The following TOPBP1 variants were observed in gnomAD, a reference collection of about 807,000 sequenced individuals.
TOPBP1 encodes DNA topoisomerase II binding protein 1.
TOPBP1 carries 28 observed loss-of-function variants against 167.7 expected under a neutral mutation model. The observed-to-expected ratio is 0.17, with a 90% CI of 0.12 to 0.23. TOPBP1 has a LOEUF of 0.23. Ranked by LOEUF, TOPBP1 falls within the 10% of genes least tolerant of loss-of-function variation. The pLI is 1.00. For synonymous variants in TOPBP1, 598 were observed against 611.4 expected, an observed-to-expected ratio of 0.98 and a Z score of 0.32; for missense variants, 1,554 against 1,809.6, an observed-to-expected ratio of 0.86 and a Z score of 2.56.
chr3:133,604,392 C>G (rs1472503217), intron 27 of TOPBP1, among the ~76,000 whole-genome samples: 9 of 151,772 alleles, frequency 5.9e-5, no homozygotes, highest in African/African-American at 2.2e-4. Flanking sequence ...CCACCTCAGC[C>G]TCCTAAACTG....
chr3:133,656,319 A>G (rs191998672), intron 5 of TOPBP1, among the ~76,000 whole-genome samples: 3 of 152,274 alleles, frequency 2.0e-5, no homozygotes, highest in East Asian at 1.9e-4. Context: ...CAAAATGACT[A>G]ATTTATTATC....
At chr3:133,635,000 G>A (rs1935618492) in intron 14 of TOPBP1, among the ~76,000 whole-genome samples, 1 of 152,038 alleles carries the variant, frequency 6.6e-6, no homozygotes, top group Non-Finnish European at 1.5e-5. Context: ...GAGAAAAGGG[G>A]GAAAGAGAAT....
intron 1 of TOPBP1, 70 bp from the exon 2 acceptor site, chr3:133,661,204 C>A (rs1252531491): frequency 1.7e-6 from 2 of 1,205,132 alleles, no homozygotes; most frequent in South Asian, 1.6e-5. Context: ...TTTAACCTAC[C>A]TATTTTTCTG....
chr3:133,648,104 T>TCTTAAAA (rs1305517036), intron 10 of TOPBP1, among the ~76,000 whole-genome samples: 1 of 152,142 alleles, frequency 6.6e-6, no homozygotes, highest in East Asian at 1.9e-4. Context: ...AGCCAGAGGA[T>TCTTAAAA]AAAGACAGAT....
chr3:133,607,261 C>T (rs1934524694), intron 27 of TOPBP1, among the ~76,000 whole-genome samples: 1 of 151,956 alleles, frequency 6.6e-6, no homozygotes, highest in African/African-American at 2.4e-5. Context: ...CCATTTCTAA[C>T]TTTTGGATTT....
At chr3:133,638,709 C>G (rs1314386141) in intron 13 of TOPBP1, among the ~76,000 whole-genome samples, 1 of 152,164 alleles carries the variant, frequency 6.6e-6, no homozygotes, top group Non-Finnish European at 1.5e-5. Context: ...GCTGATATGT[C>G]CCTGAAGTTT....
At chr3:133,642,250 C>T (rs1935913211) in intron 12 of TOPBP1, among the ~76,000 whole-genome samples, 1 of 152,046 alleles carries the variant, frequency 6.6e-6, no homozygotes, top group Non-Finnish European at 1.5e-5. Flanking sequence ...TTTAGCCTCC[C>T]GAGTGCTGGG....
Position 133,608,970 on chromosome 3 carries a change from TA to T in TOPBP1, c.4174-9del, listed in dbSNP as rs780768707. The T allele has an allele frequency of 1.6e-5, 26 of 1,600,260 alleles. No individual in the cohort carries two copies. Among genetic ancestry groups the T allele is most frequent in the Admixed American group, 5.3e-5 (3 of 56,918 alleles). On this transcript the variant is annotated splice_polypyrimidine_tract_variant and intron_variant, in intron 25 of 27. Transcript: ENST00000260810. The stretch of plus-strand genomic sequence containing the variant: ...CCACCCACTAAATGCTCCCTACAAA[TA>T]AAAAACAATCAGTGGTGAAATCATT...
chr3:133,603,755 G>C (rs1015498109), intron 27 of TOPBP1, among the ~76,000 whole-genome samples: 1 of 149,330 alleles, frequency 6.7e-6, no homozygotes, highest in Non-Finnish European at 1.5e-5. Context: ...GGAGATTTTA[G>C]TATCAGTAAT....
chr3:133,639,015 T>C (rs1304137934), intron 13 of TOPBP1, among the ~76,000 whole-genome samples: 1 of 152,168 alleles, frequency 6.6e-6, no homozygotes, highest in Non-Finnish European at 1.5e-5. Context: ...ACAAAGGCCA[T>C]CCTTGGTGAG....
At chr3:133,641,568 T>C (rs1935890935) in intron 12 of TOPBP1, among the ~76,000 whole-genome samples, 1 of 152,216 alleles carries the variant, frequency 6.6e-6, no homozygotes, top group Non-Finnish European at 1.5e-5. Context: ...GGTCTCAGTA[T>C]ATTGTCCAGG....
chr3:133,608,791 G>A lies in TOPBP1; in HGVS notation c.4263+82C>T, dbSNP rs558420767. 44 of 1,564,358 alleles carry A rather than the reference G, an allele frequency of 2.8e-5. No individual in the cohort carries two copies. In the African/African-American group the frequency reaches 3.8e-4, roughly 14 times the overall value. The stretch of plus-strand genomic sequence containing the variant: ...TTAAGGATTACCATTTCAAAAAGTA[G>A]AGAAAATGAAGAACTCATCATAGCA... On this transcript the variant is annotated intron_variant, in intron 26 of 27. Transcript: ENST00000260810.
At position 133,616,908 on chromosome 3, in the gene TOPBP1, C is replaced by A; in HGVS notation, c.3777G>T (p.Glu1259Asp). The A allele has an allele frequency of 6.5e-7, 1 of 1,527,652 alleles. No individual in the cohort carries two copies. Among genetic ancestry groups the A allele is most frequent in the South Asian group, 1.3e-5 (1 of 79,068 alleles). 94.6% of individuals were successfully genotyped at this position (1,527,652 alleles called of 1,614,324 possible). Reference sequence around the variant, plus strand: ...ACTGTTTTTTTAATTCTTCATGAGTCTCCTCTATCGTTATAATCTGGAATG... The same window carrying A: ...ACTGTTTTTTTAATTCTTCATGAGTATCCTCTATCGTTATAATCTGGAATG... ...HPREKIITIE[E>D]THEELKKQYI... is the part of the protein sequence containing the mutation. The change falls in exon 23 of 28, where the codon GAG (glutamate) becomes GAT (aspartate). Residue 1259 changes from glutamate to aspartate, a missense_variant. Coordinates refer to ENST00000260810, the MANE Select transcript of TOPBP1 (RefSeq NM_007027.4).
Position 133,638,121 on chromosome 3 carries a change from T to G in TOPBP1, c.2275A>C (p.Asn759His), listed in dbSNP as rs368210480. The G allele has an allele frequency of 3.7e-6, 6 of 1,613,872 alleles. No individual in the cohort carries two copies. Among genetic ancestry groups the G allele is most frequent in the African/African-American group, 1.3e-5 (1 of 74,940 alleles). ...CCAGGATGCTCTGCAGTATCTGAAT[T>G]TAGATTGATTCCATTTGTTATTTCT... ...ETEITNGINL[N>H]SDTAEHPGTR... Residue 759 changes from asparagine to histidine, a missense_variant, in exon 14 of 28, where the codon AAT becomes CAT. Physicochemically the swap from Asn to His is moderately conservative, Grantham distance 68. Around this residue, in one of 3 missense-constraint regions of TOPBP1, gnomAD observed 1,197 missense variants for 1,351.5 expected, o/e 0.89. Transcript: ENST00000260810.
At chr3:133,620,110 C>G in intron 20 of TOPBP1, 45 bp downstream of exon 20, 1 of 1,532,156 alleles carries the variant, frequency 6.5e-7, no homozygotes, top group Non-Finnish European at 8.8e-7. Context: ...TAAATCCTTT[C>G]TCTCAAGTCA....
In TOPBP1 at chr3:133,657,792, A is replaced by T; in HGVS notation, c.363+6T>A. 2.0e-6 allele frequency: 3 copies of T among 1,537,256 alleles called. No homozygotes were observed. The highest frequency in any genetic ancestry group is 2.6e-6 in the Non-Finnish European group (3 of 1,148,890). Reference sequence around the variant, plus strand: ...ATTGATCAATCATCATGAGATCAATATCTACCCTTTTTTCTTTTTCCAGAC... The same window carrying T: ...ATTGATCAATCATCATGAGATCAATTTCTACCCTTTTTTCTTTTTCCAGAC... On this transcript the variant is annotated splice_donor_region_variant and intron_variant, in intron 4 of 27. Coordinates refer to ENST00000260810, the MANE Select transcript of TOPBP1 (RefSeq NM_007027.4).
At position 133,644,294 on chromosome 3, in the gene TOPBP1, G is replaced by A. The variant is rs1936001828; in HGVS notation, c.1574C>T (p.Thr525Ile). ...STHAEPLNDS[T>I]HISLQEENQS... ...GTTTTCTTCTTGCAAAGAAATGTGA[G>A]TAGAATCATTCAAGGGCTCAGCATG... Residue 525 changes from threonine (T) to isoleucine (I), a missense_variant, in exon 11 of 28, where the codon ACT (threonine) becomes ATT (isoleucine). Physicochemically the swap from Thr to Ile is moderately conservative, Grantham distance 89 (BLOSUM62 -1). Coordinates refer to ENST00000260810, the MANE Select transcript of TOPBP1 (RefSeq NM_007027.4). 1.9e-6 allele frequency: 3 copies of A among 1,613,500 alleles called. No homozygotes were observed. The highest frequency in any genetic ancestry group is 2.2e-5 in the South Asian group (2 of 90,994).
At chr3:133,602,058 A>G (rs557949723) in intron 27 of TOPBP1, among the ~76,000 whole-genome samples, 32 of 152,318 alleles carry the variant, frequency 2.1e-4, no homozygotes, top group African/African-American at 7.5e-4. Flanking sequence ...CCTGTTAAAC[A>G]ACACAGTACT....
intron 14 of TOPBP1, among the ~76,000 whole-genome samples, chr3:133,632,012 G>A (rs1265257707): frequency 1.3e-5 from 2 of 152,134 alleles, no homozygotes; most frequent in African/African-American, 2.4e-5. Context: ...TGAAAGACGT[G>A]CTCACTTCCC....
Sources: gnomAD v4.1 joint callset for allele counts (sites outside exome capture counted in the v4.1 genomes callset) on GRCh38, gnomAD v4.1.1 for gene constraint, gnomAD v4.1.1 regional missense constraint, MANE v1.5 for transcripts, NCBI Gene and HGNC (gene_info 2026-07-23, HGNC 2026-07-21) for gene names.